RNF213: variants seen among roughly 807,000 people sequenced by gnomAD.
RNF213 encodes the protein ring finger protein 213.
RNF213 carries 341 observed loss-of-function variants against 514.4 expected under a neutral mutation model. That is an observed-to-expected ratio of 0.66 (90% CI 0.61 to 0.73). RNF213 has a LOEUF of 0.73. RNF213 is among the 30% of genes least tolerant of loss of function. The pLI, the probability that RNF213 is intolerant of heterozygous loss-of-function variation, is 0.00. For missense variants in RNF213, 5,767 were observed against 6,615.6 expected (o/e 0.87, Z 4.45); for synonymous variants, 2,655 against 2,658.2 (o/e 1.00, Z 0.04).
intron 11 of RNF213, among the ~76,000 whole-genome samples, chr17:80,303,545 C>T (rs972686494): frequency 6.7e-6 from 1 of 150,370 alleles, no homozygotes; most frequent in Non-Finnish European, 1.5e-5. Flanking sequence ...AATTCTATTC[C>T]TTTTCTTTTT....
At chr17:80,354,196 G>A (rs376352220) in intron 35 of RNF213, 30 bp downstream of exon 35, 90 of 1,610,122 alleles carry the variant, frequency 5.6e-5, no homozygotes, top group Non-Finnish European at 4.9e-5. Flanking sequence ...TCTTGCCCCT[G>A]CCCCCACGTG....
rs1436304577 is a variant in RNF213 at position 80,337,975 on chromosome 17, C to T, written c.4811C>T (p.Thr1604Met). The change falls in exon 25 of 68, where the codon ACG (threonine) becomes ATG (methionine). Residue 1604 changes from threonine (T) to methionine (M), a missense_variant. This residue lies in a region of RNF213 where 1,377 missense variants were observed against 1,635.2 expected (regional missense o/e 0.84). Transcript: ENST00000582970. Reference sequence around the variant, plus strand: ...TCTGGCAAGAAGGATCGTAACAACACGGAAGTGGAGAGGTTTTCAGAGGTG... The same window carrying T: ...TCTGGCAAGAAGGATCGTAACAACATGGAAGTGGAGAGGTTTTCAGAGGTG... ...LMSGKKDRNN[T>M]EVERFSEVFC... 6 of 1,537,142 alleles carry T rather than the reference C, an allele frequency of 3.9e-6. No homozygotes were observed. Among genetic ancestry groups the T allele is most frequent in the South Asian group, 3.6e-5 (3 of 84,062 alleles).
chr17:80,287,256 G>T (rs1263044324), intron 3 of RNF213, among the ~76,000 whole-genome samples: 1 of 152,158 alleles, frequency 6.6e-6, no homozygotes, highest in Non-Finnish European at 1.5e-5. Flanking sequence ...AGGACCTTGG[G>T]AGGCCGAGAT....
rs2044183384 is a variant in RNF213 at position 80,279,518 on chromosome 17, G to T, written c.261+6114G>T. On this transcript the variant is annotated intron_variant, in intron 3 of 67. Transcript: ENST00000582970. Reference sequence around the variant, plus strand: ...CTCGCTCTGTCGCCCAAGCTGGAGTGCAGTGGCACGATCTCAGTTCACTGC... The same window carrying T: ...CTCGCTCTGTCGCCCAAGCTGGAGTTCAGTGGCACGATCTCAGTTCACTGC... 1.3e-5 allele frequency among the ~76,000 whole-genome samples: 2 copies of T among 151,714 alleles called. 1 individual carries two copies. Among genetic ancestry groups the T allele is most frequent in the South Asian group, 4.2e-4 (2 of 4,810 alleles).
intron 7 of RNF213, 24 bp downstream of exon 7, chr17:80,290,752 A>T: frequency 6.2e-7 from 1 of 1,613,896 alleles, no homozygotes; most frequent in South Asian, 1.1e-5. Context: ...TAGGCTTGGG[A>T]GGAATCCCTC....
At chr17:80,321,882 T>C (rs1016198884) in intron 17 of RNF213, among the ~76,000 whole-genome samples, 2 of 152,072 alleles carry the variant, frequency 1.3e-5, no homozygotes, top group Non-Finnish European at 2.9e-5. Context: ...TGTGCCACCA[T>C]GCCCAGCTAA....
rs1385770605 is a variant in RNF213 at position 80,358,512 on chromosome 17, A to G, written c.11054+33A>G. On this transcript the variant is annotated intron_variant, in intron 37 of 67. Transcript: ENST00000582970. ...GAAGGCTTTCTTTCCCTGGGGAGAG[A>G]AACTATCAGAACACAGCAGGACCCT... is the stretch of plus-strand genomic sequence containing the variant. 5.7e-6 allele frequency: 9 copies of G among 1,589,138 alleles called. No homozygotes were observed. The South Asian group carries it at 1.0e-4, about 18-fold the overall frequency.
intron 63 of RNF213, among the ~76,000 whole-genome samples, chr17:80,387,514 C>G (rs28571613): frequency 0.13 from 20,519 of 152,270 alleles, 1,958 homozygotes; most frequent in African/African-American, 0.27. Flanking sequence ...GCTGTGCCTT[C>G]TGTGTGTCCT....
chr17:80,384,730 G>A (rs998912615), intron 59 of RNF213: 14 of 416,822 alleles, frequency 3.4e-5, no homozygotes, highest in African/African-American at 1.0e-4. Context: ...GCTTCTCTCC[G>A]TACCCAGCCA....
Position 80,343,386 on chromosome 17 carries a change from T to C in RNF213, c.6183+61T>C, listed in dbSNP as rs989316569. The C allele has an allele frequency of 7.1e-7, 1 of 1,399,408 alleles. No individual in the cohort carries two copies. Among genetic ancestry groups the C allele is most frequent in the African/African-American group, 1.4e-5 (1 of 70,240 alleles). The allele number at this position is 1,399,408 out of a possible 1,614,324, so 86.7% of individuals were successfully genotyped here. A position where few individuals can be genotyped will look rare whatever the true frequency, so the allele number is the denominator to read the frequency against. On this transcript the variant is annotated intron_variant, in intron 27 of 67. Transcript: ENST00000582970. The surrounding 1 kb of genome is among the most constrained non-coding windows in gnomAD (Gnocchi z 4.3). ...AGTAAAGACGTGGTCCCCATGTCTC[T>C]GCGTGACTCCTCCCCGTGTATAGAA...
chr17:80,388,665 G>A lies in RNF213; in HGVS notation c.14976G>A (p.Met4992Ile). 7.4e-6 allele frequency: 12 copies of A among 1,612,244 alleles called. No homozygotes were observed. The highest frequency in any genetic ancestry group is 1.0e-5 in the Non-Finnish European group (12 of 1,178,888). ...RHDWNYEHLFMDIKNKMAQDS... is the reference protein window; with the variant it reads ...RHDWNYEHLFIDIKNKMAQDS... ...ACTGGAACTATGAACATCTCTTTAT[G>A]GACATCAAGAACAAAATGGCACAGG... The change falls in exon 64 of 68, where the codon ATG becomes ATA. Residue 4992 changes from methionine to isoleucine, a missense_variant. Transcript: ENST00000582970.
chr17:80,382,926 C>A (rs2080080223), intron 57 of RNF213, 53 bp from the exon 58 acceptor site: 9 of 1,062,520 alleles, frequency 8.5e-6, no homozygotes, highest in Non-Finnish European at 1.3e-5. Context: ...TATACGCAGA[C>A]TGCTGTGTTC....
intron 2 of RNF213, among the ~76,000 whole-genome samples, chr17:80,267,873 G>A (rs1276949776): frequency 6.7e-6 from 1 of 150,356 alleles, no homozygotes; most frequent in Non-Finnish European, 1.5e-5. Context: ...AGGCTGGAGT[G>A]CAGTGGCTGG....
chr17:80,310,035 A>T (rs2045512464), intron 14 of RNF213, among the ~76,000 whole-genome samples: 1 of 151,524 alleles, frequency 6.6e-6, no homozygotes, highest in Admixed American at 6.6e-5. Flanking sequence ...TTACAGGCTT[A>T]AACCACCACG....
intron 2 of RNF213, among the ~76,000 whole-genome samples, chr17:80,268,219 T>G (rs2043673969): frequency 6.6e-6 from 1 of 152,008 alleles, no homozygotes; most frequent in South Asian, 2.1e-4. Context: ...TTCCATATCT[T>G]GGCTATTGTG....
intron 39 of RNF213, 107 bp from the exon 40 acceptor site, chr17:80,362,995 T>C: frequency 9.2e-7 from 1 of 1,083,094 alleles, no homozygotes; most frequent in Non-Finnish European, 1.4e-6. Flanking sequence ...CACACATGGT[T>C]TCTAATTTCC....
chr17:80,364,610 G>A (rs1403876517), intron 42 of RNF213, 57 bp downstream of exon 42: 2 of 1,609,224 alleles, frequency 1.2e-6, no homozygotes. Context: ...CCGAAAGGAA[G>A]AACAGCACTG....
chr17:80,286,582 G>A (rs1016709723), intron 3 of RNF213, among the ~76,000 whole-genome samples: 1 of 152,108 alleles, frequency 6.6e-6, no homozygotes, highest in African/African-American at 2.4e-5. Context: ...ATCCTGTGGC[G>A]CTTCCTCATC....
intron 26 of RNF213, among the ~76,000 whole-genome samples, chr17:80,342,406 A>G (rs2078178603): frequency 6.6e-6 from 1 of 152,060 alleles, no homozygotes; most frequent in African/African-American, 2.4e-5. Context: ...GGGAAATGTG[A>G]AGGTTCAAGA....
Sources: allele counts gnomAD v4.1 joint callset (sites outside exome capture counted in the v4.1 genomes callset), GRCh38; gene constraint gnomAD v4.1.1; regional missense constraint gnomAD v4.1.1; non-coding constraint Gnocchi (gnomAD v3.1); transcripts MANE v1.5; gene names NCBI Gene and HGNC (gene_info 2026-07-23, HGNC 2026-07-21).